The following PCDHA5 variants were observed in gnomAD, a reference collection of about 807,000 sequenced individuals.
The protein encoded by PCDHA5 is protocadherin alpha 5, also known as protocadherin alpha-5.
Under a neutral mutation model 61.6 loss-of-function variants are expected in PCDHA5, and 43 were observed. The ratio of observed to expected loss-of-function variants is 0.70; its 90% CI spans 0.55 to 0.90. PCDHA5 has a LOEUF of 0.90. Among genes scored for constraint, PCDHA5 ranks in the 40% least tolerant of loss-of-function variants. PCDHA5 has a pLI of 0.00. For missense variants in PCDHA5, 1,298 were observed against 1,222.7 expected, an observed-to-expected ratio of 1.06 and a Z score of -0.92; for synonymous variants, 627 against 543.9, an observed-to-expected ratio of 1.15 and a Z score of -2.13.
At chr5:140,875,377 A>G in intron 1 of PCDHA5, 1 of 1,457,802 alleles carries the variant, frequency 6.9e-7, no homozygotes, top group Non-Finnish European at 9.0e-7. Context: ...TTTACTAAAT[A>G]TGTACTTACA....
At chr5:140,862,665 G>A (rs1437192786) in intron 1 of PCDHA5, 12 of 547,492 alleles carry the variant, frequency 2.2e-5, no homozygotes, top group Admixed American at 9.6e-5. Flanking sequence ...ACCGGGACGC[G>A]CAGGAGAACG....
At chr5:141,006,996 G>T (rs1206587874) in intron 3 of PCDHA5, among the ~76,000 whole-genome samples, 2 of 152,136 alleles carry the variant, frequency 1.3e-5, no homozygotes, top group African/African-American at 4.8e-5. Flanking sequence ...TAAAATATAA[G>T]TCTGCATCTC....
At position 140,835,853 on chromosome 5, in the gene PCDHA5, G is replaced by A. The variant is rs2150246654; in HGVS notation, c.2352+11726G>A. 3.1e-6 allele frequency: 5 copies of A among 1,612,274 alleles called. No individual in the cohort carries two copies. The Admixed American group carries it at 8.3e-5, about 27-fold the overall frequency. On this transcript the variant is annotated intron_variant, in intron 1 of 3. Transcript: ENST00000529859. ...CGGACGCGCAGAAGAACGCGCTGGT[G>A]TCCTACTCGCTGGTGGAGCTGCGGG...
chr5:140,939,673 T>C (rs1235567287), intron 1 of PCDHA5, among the ~76,000 whole-genome samples: 1 of 152,196 alleles, frequency 6.6e-6, no homozygotes, highest in African/African-American at 2.4e-5. Context: ...CCAACTTGTA[T>C]GTATGTGTGT....
In PCDHA5 at chr5:140,821,919, G is replaced by T; in HGVS notation, c.144G>T (p.Ala48=). 6.2e-7 allele frequency: 1 copy of T among 1,614,198 alleles called. No homozygotes were observed. The highest frequency in any genetic ancestry group is 2.2e-5 in the East Asian group (1 of 44,890). Residue 48 remains alanine (A), a synonymous_variant, in exon 1 of 4, where the codon GCG becomes GCT. Coordinates refer to ENST00000529859, the MANE Select transcript of PCDHA5 (RefSeq NM_018908.3). ...ACGGAACCTTCGTTGGCCGCATCGC[G>T]CAGGACCTAGGGCTGGAGCTGGCGG... The part of the protein sequence containing the change: ...AKHGTFVGRI[A]QDLGLELAEL...
In PCDHA5 at chr5:140,823,708, C is replaced by T. The variant is rs1430700090; in HGVS notation, c.1933C>T (p.Arg645Cys). 25 of 1,613,828 alleles carry T rather than the reference C, an allele frequency of 1.5e-5. No individual in the cohort carries two copies. The highest frequency in any genetic ancestry group is 2.0e-5 in the Non-Finnish European group (24 of 1,179,946). Residue 645 changes from arginine (R) to cysteine (C), a missense_variant, in exon 1 of 4, where the codon CGC becomes TGC. By Grantham distance (180) the Arg-to-Cys change is radical (BLOSUM62 -3). Coordinates refer to ENST00000529859, the MANE Select transcript of PCDHA5 (RefSeq NM_018908.3). ...GGATGAGACCGAAGCACCGCGCCACCGCCTTCTGGTGCTGGTGAAGGACCA... is the reference window on the plus strand; with the variant it reads ...GGATGAGACCGAAGCACCGCGCCACTGCCTTCTGGTGCTGGTGAAGGACCA... ...SLDETEAPRHRLLVLVKDHGE... is the reference protein window; with the variant it reads ...SLDETEAPRHCLLVLVKDHGE...
At chr5:140,920,868 T>C (rs1248971730) in intron 1 of PCDHA5, among the ~76,000 whole-genome samples, 4 of 149,716 alleles carry the variant, frequency 2.7e-5, no homozygotes, top group Non-Finnish European at 1.5e-5. Context: ...ACAAACAAAC[T>C]GTGGCCCTTA....
At position 140,838,745 on chromosome 5, in the gene PCDHA5, G is replaced by A. The variant is rs12655588; in HGVS notation, c.2352+14618G>A. Among the ~76,000 whole-genome samples the A allele has an allele frequency of 3.5e-3, 537 of 152,028 alleles. 21 individuals are homozygous for A. In the East Asian group the frequency reaches 0.074, roughly 21 times the overall value. On this transcript the variant is annotated intron_variant, in intron 1 of 3. Coordinates refer to ENST00000529859, the MANE Select transcript of PCDHA5 (RefSeq NM_018908.3). ...CAGTCTAGTAGTTTGAGACCAGCTT[G>A]TGCATCTTTTGTAGAGACTTTGTAA...
intron 1 of PCDHA5, chr5:140,848,340 A>C (rs1781459761): frequency 3.4e-6 from 3 of 893,920 alleles, no homozygotes; most frequent in Admixed American, 2.4e-5. Flanking sequence ...ATCCAGACAA[A>C]TACAGCCCTT....
rs183321184 is a variant in PCDHA5 at position 140,907,756 on chromosome 5, C to G, written c.2353-71193C>G. 7.8e-3 allele frequency among the ~76,000 whole-genome samples: 1,193 copies of G among 152,264 alleles called. 22 individuals carry two copies. The highest frequency in any genetic ancestry group is 0.027 in the African/African-American group (1,101 of 41,546). On this transcript the variant is annotated intron_variant, in intron 1 of 3. Coordinates refer to ENST00000529859, the MANE Select transcript of PCDHA5 (RefSeq NM_018908.3). ...CCACCATGGCCACTTTGTTCATGGGCCCATTGGGTGATGACAGGGGTGGCT... is the reference window on the plus strand; with the variant it reads ...CCACCATGGCCACTTTGTTCATGGGGCCATTGGGTGATGACAGGGGTGGCT...
At chr5:140,895,875 G>A (rs1277056649) in intron 1 of PCDHA5, among the ~76,000 whole-genome samples, 5 of 152,060 alleles carry the variant, frequency 3.3e-5, no homozygotes, top group African/African-American at 7.2e-5. Context: ...GCAATGGCGC[G>A]ATCTCGGCTC....
chr5:140,966,363 G>A (rs1476634162), intron 1 of PCDHA5: 3 of 402,216 alleles, frequency 7.5e-6, no homozygotes, highest in Admixed American at 4.4e-5. Flanking sequence ...GGGCTGGAGA[G>A]GCTGAGCAGT....
intron 1 of PCDHA5, chr5:140,968,831 C>T (rs1469537973): frequency 1.2e-6 from 2 of 1,614,020 alleles, no homozygotes; most frequent in Non-Finnish European, 8.5e-7. Flanking sequence ...CAAAATCCTC[C>T]CTGACACTCA....
At chr5:140,924,894 CAAAAAA>C (rs782133089) in intron 1 of PCDHA5, among the ~76,000 whole-genome samples, 79 of 71,496 alleles carry the variant, frequency 1.1e-3, no homozygotes, top group African/African-American at 2.7e-3. Flanking sequence ...GAACCTGTCT[CAAAAAA>C]AAAAATAAAA....
intron 1 of PCDHA5, among the ~76,000 whole-genome samples, chr5:140,839,137 C>T (rs1175514541): frequency 6.8e-6 from 1 of 146,496 alleles, no homozygotes; most frequent in Non-Finnish European, 1.5e-5. Context: ...TTCACATAAG[C>T]AGACCAAGTT....
intron 1 of PCDHA5, among the ~76,000 whole-genome samples, chr5:140,890,116 G>A (rs1290402695): frequency 6.6e-6 from 1 of 152,142 alleles, no homozygotes; most frequent in East Asian, 1.9e-4. Flanking sequence ...ATTCAATGAT[G>A]TCACTTTGGT....
chr5:141,000,389 CTCTCTCTATATATA>C (rs1429861640), intron 3 of PCDHA5, among the ~76,000 whole-genome samples: 15 of 62,586 alleles, frequency 2.4e-4, no homozygotes, highest in African/African-American at 9.8e-4. Flanking sequence ...CTCTCTCTCT[CTCTCTCTATATATA>C]TATATATATA....
intron 3 of PCDHA5, among the ~76,000 whole-genome samples, chr5:141,007,395 C>CAAAAAAAAAAAAAAA (rs35800918): frequency 2.1e-5 from 2 of 94,866 alleles, no homozygotes; most frequent in Non-Finnish European, 2.1e-5. Context: ...TACTAAAATA[C>CAAAAAAAAAAAAAAA]AAAAAAAAAA....
intron 3 of PCDHA5, chr5:140,988,920 AACAAC>A (rs1245893791): frequency 6.6e-6 from 1 of 152,174 alleles, no homozygotes; most frequent in Non-Finnish European, 1.5e-5. Context: ...AGGAGAATAG[AACAAC>A]ACTGTTCTCT....
Sources: gnomAD v4.1 joint callset for allele counts (sites outside exome capture counted in the v4.1 genomes callset) on GRCh38, gnomAD v4.1.1 for gene constraint, MANE v1.5 for transcripts, NCBI Gene and HGNC (gene_info 2026-07-23, HGNC 2026-07-21) for gene names.